Variants in JMJD1C observed in about 807,000 individuals in gnomAD.
JMJD1C encodes jumonji domain containing 1C.
A neutral mutation model predicts 245.3 loss-of-function variants in JMJD1C; 31 were observed. The observed-to-expected ratio is 0.13, with a 90% CI of 0.09 to 0.17. The LOEUF is 0.17. JMJD1C is among the 10% of genes least tolerant of loss of function. The probability of loss-of-function intolerance (pLI) is 1.00; values close to 1 mark genes in which losing one functional copy is unlikely to be tolerated. For synonymous variants in JMJD1C, 1,057 were observed against 1,017.4 expected (o/e 1.04, Z -0.74); for missense variants, 2,691 against 3,000.2 (o/e 0.90, Z 2.41).
At chr10:63,173,353 G>A (rs1331144571) in intron 24 of JMJD1C, among the ~76,000 whole-genome samples, 1 of 152,080 alleles carries the variant, frequency 6.6e-6, no homozygotes, top group Admixed American at 6.6e-5. Context: ...GTGATCTTGG[G>A]CTAGGCAACA....
Position 63,214,635 on chromosome 10 carries a change from T to C in JMJD1C, c.1532A>G (p.Asp511Gly), listed in dbSNP as rs1214949214. 2 of 1,614,152 alleles carry C rather than the reference T, an allele frequency of 1.2e-6. No homozygotes were observed. The highest frequency in any genetic ancestry group is 8.5e-7 in the Non-Finnish European group (1 of 1,179,990). ...SRPPTPKCVI[D>G]ITNDTNLEKV... ...TTCTAAATTAGTGTCATTTGTAATA[T>C]CAATAACACATTTTGGTGTGGGTGG... The change falls in exon 8 of 26, where the codon GAT (aspartate) becomes GGT (glycine). Residue 511 changes from aspartate to glycine, a missense_variant. Asp to Gly is a moderately conservative substitution (Grantham distance 94). Coordinates refer to ENST00000399262, the MANE Select transcript of JMJD1C (RefSeq NM_032776.3).
At chr10:63,481,739 A>G (rs1308360364) in intron 1 of JMJD1C, among the ~76,000 whole-genome samples, 1 of 152,230 alleles carries the variant, frequency 6.6e-6, no homozygotes, top group Non-Finnish European at 1.5e-5. Flanking sequence ...TGAGGACTGA[A>G]AGAGGTAAAA....
At chr10:63,257,052 C>T (rs1854041603) in intron 3 of JMJD1C, among the ~76,000 whole-genome samples, 1 of 151,764 alleles carries the variant, frequency 6.6e-6, no homozygotes, top group African/African-American at 2.4e-5. Context: ...CTGGCCAACA[C>T]TGGTGAAACC....
intron 1 of JMJD1C, among the ~76,000 whole-genome samples, chr10:63,499,159 A>G (rs145249641): frequency 1.3e-5 from 2 of 152,322 alleles, no homozygotes; most frequent in Non-Finnish European, 2.9e-5. Context: ...GGTTATTCTG[A>G]ATAGTGCTGC....
intron 1 of JMJD1C, among the ~76,000 whole-genome samples, chr10:63,464,309 C>T (rs1198907492): frequency 6.6e-6 from 1 of 151,966 alleles, no homozygotes; most frequent in African/African-American, 2.4e-5. Context: ...TCATTGACTA[C>T]AGTGAGGAAA....
chr10:63,216,846 C>G (rs370121287), intron 5 of JMJD1C, among the ~76,000 whole-genome samples: 1 of 152,156 alleles, frequency 6.6e-6, no homozygotes, highest in South Asian at 2.1e-4. Flanking sequence ...TAAGTTTTCA[C>G]TGATGAAAAG....
chr10:63,353,614 C>A (rs1237596495), intron 2 of JMJD1C, among the ~76,000 whole-genome samples: 1 of 151,818 alleles, frequency 6.6e-6, no homozygotes, highest in African/African-American at 2.4e-5. Context: ...CTCCCAAGTT[C>A]AAGTGATTCT....
Position 63,443,058 on chromosome 10 carries a change from A to G in JMJD1C, c.168+22437T>C, listed in dbSNP as rs149879698. 5.9e-3 allele frequency among the ~76,000 whole-genome samples: 895 copies of G among 152,322 alleles called. 7 individuals are homozygous for G. The highest frequency in any genetic ancestry group is 0.025 in the East Asian group (131 of 5,172). ...CAATCCTCTGATTGATCAACTGACCAGCAATAATTGGGGGCTCCCAGGCCC... is the reference window on the plus strand; with the variant it reads ...CAATCCTCTGATTGATCAACTGACCGGCAATAATTGGGGGCTCCCAGGCCC... On this transcript the variant is annotated intron_variant, in intron 1 of 25. Transcript: ENST00000399262.
intron 1 of JMJD1C, among the ~76,000 whole-genome samples, chr10:63,387,629 A>ATTTGTTTTTTTTTTTTTTTTTTTT (rs1947720992): frequency 2.6e-5 from 1 of 37,840 alleles, no homozygotes; most frequent in African/African-American, 1.2e-4. Flanking sequence ...GAAAAAAAAA[A>ATTTGTTTTTTTTTTTTTTTTTTTT]TTTTTTTTTT....
chr10:63,196,855 G>A (rs12763038), intron 13 of JMJD1C, among the ~76,000 whole-genome samples: 30,675 of 152,082 alleles, frequency 0.2, 4,065 homozygotes, highest in Non-Finnish European at 0.29. Context: ...GGAGTGCAAT[G>A]GGGCAATCAC....
At chr10:63,317,039 T>C (rs1940164167) in intron 2 of JMJD1C, among the ~76,000 whole-genome samples, 1 of 151,882 alleles carries the variant, frequency 6.6e-6, no homozygotes, top group East Asian at 2.0e-4. Context: ...TTTGTATTTT[T>C]AGAAGAGACG....
At chr10:63,263,959 TAC>T (rs746833882) in intron 3 of JMJD1C, among the ~76,000 whole-genome samples, 17,184 of 82,810 alleles carry the variant, frequency 0.21, 1,763 homozygotes, top group East Asian at 0.36. Context: ...AAAATACACA[TAC>T]ACACACACAC....
intron 24 of JMJD1C, among the ~76,000 whole-genome samples, chr10:63,170,650 T>C (rs1842261473): frequency 6.6e-6 from 1 of 152,240 alleles, no homozygotes; most frequent in Non-Finnish European, 1.5e-5. Flanking sequence ...AAGTTCATTC[T>C]GTCAGTCTTT....
chr10:63,246,153 G>A (rs965738604), intron 3 of JMJD1C, among the ~76,000 whole-genome samples: 33 of 152,112 alleles, frequency 2.2e-4, no homozygotes, highest in African/African-American at 7.7e-4. Flanking sequence ...AGCAGAAAGT[G>A]GAAAGCAATA....
At chr10:63,190,324 C>T (rs1195653787) in intron 17 of JMJD1C, among the ~76,000 whole-genome samples, 4 of 152,072 alleles carry the variant, frequency 2.6e-5, no homozygotes, top group African/African-American at 9.7e-5. Flanking sequence ...CTGCCTCAGC[C>T]TCCCAAGTAG....
intron 1 of JMJD1C, among the ~76,000 whole-genome samples, chr10:63,391,033 T>C (rs892814091): frequency 6.6e-6 from 1 of 152,064 alleles, no homozygotes; most frequent in Non-Finnish European, 1.5e-5. Context: ...GGCATCCAAA[T>C]TGGGAAAGAA....
chr10:63,231,924 G>A (rs1434284145), intron 3 of JMJD1C, among the ~76,000 whole-genome samples: 5 of 152,006 alleles, frequency 3.3e-5, no homozygotes, highest in Non-Finnish European at 5.9e-5. Context: ...TGCAGCCTCC[G>A]TCTCCTGGGT....
intron 1 of JMJD1C, among the ~76,000 whole-genome samples, chr10:63,397,100 TTAA>T (rs1287378188): frequency 3.9e-5 from 6 of 152,146 alleles, no homozygotes; most frequent in African/African-American, 1.4e-4. Context: ...TCAAACCCTA[TTAA>T]TAATTGTTTT....
intron 3 of JMJD1C, among the ~76,000 whole-genome samples, chr10:63,249,787 G>A (rs924841405): frequency 6.6e-6 from 1 of 151,914 alleles, no homozygotes; most frequent in Admixed American, 6.6e-5. Flanking sequence ...TTTAATCCGG[G>A]AGGCAGAGTT....
Sources: allele counts gnomAD v4.1 joint callset (sites outside exome capture counted in the v4.1 genomes callset), GRCh38; gene constraint gnomAD v4.1.1; transcripts MANE v1.5; gene names NCBI Gene and HGNC (gene_info 2026-07-23, HGNC 2026-07-21).